Variants in SYT2 observed in about 807,000 individuals in gnomAD.
SYT2 encodes synaptotagmin-2.
Under a neutral mutation model 39.9 loss-of-function variants are expected in SYT2, and 15 were observed. The observed-to-expected ratio is 0.38, with a 90% CI of 0.25 to 0.58. The LOEUF (loss-of-function observed/expected upper bound fraction) is 0.58. SYT2 is among the 20% of genes least tolerant of loss of function. SYT2 has a pLI of 0.70. For missense variants in SYT2, 389 were observed against 530.3 expected, an observed-to-expected ratio of 0.73 and a Z score of 2.62; for synonymous variants, 181 against 204.5, an observed-to-expected ratio of 0.89 and a Z score of 0.98.
intron 1 of SYT2, among the ~76,000 whole-genome samples, chr1:202,618,938 C>T (rs1691125742): frequency 6.6e-6 from 1 of 152,158 alleles, no homozygotes; most frequent in Non-Finnish European, 1.5e-5. Flanking sequence ...CTGCATGCCA[C>T]CCAAGACTCC....
chr1:202,642,576 C>T (rs1222034420), intron 1 of SYT2, among the ~76,000 whole-genome samples: 1 of 152,098 alleles, frequency 6.6e-6, no homozygotes, highest in African/African-American at 2.4e-5. Flanking sequence ...AGAGCCGTGG[C>T]GCGTGTCAAA....
intron 1 of SYT2, among the ~76,000 whole-genome samples, chr1:202,707,126 A>G (rs891156699): frequency 2.6e-5 from 4 of 152,220 alleles, no homozygotes; most frequent in African/African-American, 9.7e-5. Flanking sequence ...CCTAGCACAG[A>G]TTCTCAAAAT....
chr1:202,670,222 G>A lies in SYT2; in HGVS notation c.-18+40036C>T, dbSNP rs114148534. 2.8e-3 allele frequency among the ~76,000 whole-genome samples: 427 copies of A among 152,266 alleles called. 4 individuals are homozygous for A. Among genetic ancestry groups the A allele is most frequent in the African/African-American group, 0.01 (419 of 41,530 alleles). ...GTTTGTGAGGTCCCATGAGTGACCC[G>A]GCCTCACAGGAGCACTGGGAACAGA... On this transcript the variant is annotated intron_variant, in intron 1 of 8. Transcript: ENST00000367268.
intron 1 of SYT2, among the ~76,000 whole-genome samples, chr1:202,607,820 CA>C (rs1690757118): frequency 6.6e-6 from 1 of 152,150 alleles, no homozygotes; most frequent in African/African-American, 2.4e-5. Flanking sequence ...GATGTGTGTC[CA>C]GGGCCTTCCG....
chr1:202,601,842 C>T lies in SYT2; in HGVS notation c.801+48G>A. On this transcript the variant is annotated intron_variant, in intron 6 of 8. Transcript: ENST00000367268. This position sits in a 1 kb window ranked among gnomAD's most constrained non-coding sequence, Gnocchi z 4.0. ...CATCATGCCAAGAGGTGGAAGCCCA[C>T]CTGTACATTCGTCTTTCTGCCCAAC... 2 of 1,588,480 alleles carry T rather than the reference C, an allele frequency of 1.3e-6. No homozygotes were observed. Among genetic ancestry groups the T allele is most frequent in the African/African-American group, 2.7e-5 (2 of 74,472 alleles).
At chr1:202,664,888 A>C (rs1692453711) in intron 1 of SYT2, among the ~76,000 whole-genome samples, 1 of 152,156 alleles carries the variant, frequency 6.6e-6, no homozygotes, top group Non-Finnish European at 1.5e-5. Flanking sequence ...CGAACTCCTG[A>C]CCTCAGGTGA....
intron 1 of SYT2, among the ~76,000 whole-genome samples, chr1:202,699,885 T>C (rs1654069438): frequency 6.6e-6 from 1 of 152,084 alleles, no homozygotes; most frequent in Non-Finnish European, 1.5e-5. Context: ...GCTTGCCATG[T>C]ATTCTTTGAG....
intron 1 of SYT2, among the ~76,000 whole-genome samples, chr1:202,645,777 GT>G (rs1316697692): frequency 6.6e-6 from 1 of 152,148 alleles, no homozygotes; most frequent in African/African-American, 2.4e-5. Flanking sequence ...GAAGGAGCAG[GT>G]GACATTTGCA....
chr1:202,681,700 T>C (rs575217429), intron 1 of SYT2, among the ~76,000 whole-genome samples: 3 of 152,260 alleles, frequency 2.0e-5, no homozygotes, highest in Admixed American at 2.0e-4. Context: ...GCTGCTTGGA[T>C]GACTCCCCAG....
chr1:202,678,034 G>A (rs578050466), intron 1 of SYT2, among the ~76,000 whole-genome samples: 1 of 152,282 alleles, frequency 6.6e-6, no homozygotes, highest in African/African-American at 2.4e-5. Flanking sequence ...AGCACTTTGA[G>A]AGGCCAAGGC....
At chr1:202,624,723 G>T (rs1469500225) in intron 1 of SYT2, among the ~76,000 whole-genome samples, 3 of 129,114 alleles carry the variant, frequency 2.3e-5, no homozygotes, top group African/African-American at 8.7e-5. Flanking sequence ...GTGGTATGTA[G>T]TAGGGTGTGT....
chr1:202,701,515 T>C (rs997282813), intron 1 of SYT2, among the ~76,000 whole-genome samples: 2 of 152,244 alleles, frequency 1.3e-5, no homozygotes, highest in Non-Finnish European at 2.9e-5. Flanking sequence ...TCTTTGCTGC[T>C]TCATGAAAAG....
At chr1:202,652,313 G>A (rs574232979) in intron 1 of SYT2, among the ~76,000 whole-genome samples, 1 of 152,316 alleles carries the variant, frequency 6.6e-6, no homozygotes, top group East Asian at 1.9e-4. Flanking sequence ...ACTCCTTGGG[G>A]TCATGCATGG....
chr1:202,655,733 C>T (rs771846044), intron 1 of SYT2, among the ~76,000 whole-genome samples: 12 of 152,186 alleles, frequency 7.9e-5, no homozygotes, highest in East Asian at 5.8e-4. Flanking sequence ...CATGCGCTTG[C>T]GAGGCTGAGG....
intron 1 of SYT2, among the ~76,000 whole-genome samples, chr1:202,638,860 A>G (rs1413498584): frequency 3.9e-5 from 6 of 152,206 alleles, no homozygotes; most frequent in Non-Finnish European, 7.3e-5. Flanking sequence ...AAGTGAGACC[A>G]GTGGGGCTGG....
intron 2 of SYT2, 95 bp downstream of exon 2, chr1:202,605,500 G>A: frequency 3.2e-6 from 4 of 1,231,834 alleles, no homozygotes; most frequent in Non-Finnish European, 4.6e-6. Context: ...TTAGGAAAGA[G>A]CCCAGCCAAT....
intron 1 of SYT2, among the ~76,000 whole-genome samples, chr1:202,676,618 C>T (rs1325436580): frequency 1.3e-5 from 2 of 152,160 alleles, no homozygotes; most frequent in Non-Finnish European, 2.9e-5. Context: ...TTTTCCCAGG[C>T]TAGCATTTTG....
chr1:202,646,102 A>G (rs1692076481), intron 1 of SYT2, among the ~76,000 whole-genome samples: 2 of 152,234 alleles, frequency 1.3e-5, no homozygotes, highest in Middle Eastern at 3.4e-3. Flanking sequence ...GGCTGGGTGC[A>G]TATCTGGAGC....
At chr1:202,659,042 T>G (rs1485944229) in intron 1 of SYT2, among the ~76,000 whole-genome samples, 2 of 152,176 alleles carry the variant, frequency 1.3e-5, no homozygotes, top group Non-Finnish European at 2.9e-5. Flanking sequence ...CTGTCTCTCT[T>G]TCTGAATGAG....
Sources: allele counts gnomAD v4.1 joint callset (sites outside exome capture counted in the v4.1 genomes callset), GRCh38; gene constraint gnomAD v4.1.1; non-coding constraint Gnocchi (gnomAD v3.1); transcripts MANE v1.5; gene names NCBI Gene and HGNC (gene_info 2026-07-23, HGNC 2026-07-21).